The following CNIH3 variants were observed in gnomAD, a reference collection of about 807,000 sequenced individuals.
The protein encoded by CNIH3 is protein cornichon homolog 3.
A neutral mutation model predicts 24.1 loss-of-function variants in CNIH3; 14 were observed. That is an observed-to-expected ratio of 0.58 (90% CI 0.38 to 0.91). CNIH3 has a LOEUF of 0.91. Ranked by LOEUF, CNIH3 falls within the 40% of genes least tolerant of loss-of-function variation. The pLI is 0.00. For missense variants in CNIH3, 178 were observed against 196.8 expected (o/e 0.90, Z 0.57); for synonymous variants, 68 against 73.8 (o/e 0.92, Z 0.40).
rs1687618826 is a variant in CNIH3, at chr1:224,703,544, A to G, written c.198+18701A>G. ...TAGGGAGCATTTTGCAGTGTTAGTT[A>G]TCATGGTTAGGGCGCTGAGTTTCAT... On this transcript the variant is annotated intron_variant, in intron 3 of 5. Coordinates refer to ENST00000272133, the MANE Select transcript of CNIH3 (RefSeq NM_152495.2). The surrounding 1 kb of genome is among the most constrained non-coding windows in gnomAD (Gnocchi z 4.2). Among the ~76,000 whole-genome samples, 1 of 152,152 alleles carries G rather than the reference A, an allele frequency of 6.6e-6. No individual in the cohort carries two copies. Among genetic ancestry groups the G allele is most frequent in the Non-Finnish European group, 1.5e-5 (1 of 68,028 alleles).
At chr1:224,718,419 C>T (rs753245170) in intron 3 of CNIH3, among the ~76,000 whole-genome samples, 2 of 152,058 alleles carry the variant, frequency 1.3e-5, no homozygotes, top group Non-Finnish European at 2.9e-5. Flanking sequence ...GAGTGAGTGG[C>T]GGGTTGTAGG....
chr1:224,492,141 T>C (rs1677257994), intron 1 of CNIH3, among the ~76,000 whole-genome samples: 1 of 152,236 alleles, frequency 6.6e-6, no homozygotes, highest in Non-Finnish European at 1.5e-5. Flanking sequence ...TACTTTATAA[T>C]GGTGTGCCAT....
rs569103144 is a variant in CNIH3, at chr1:224,575,052, A to G, written n.517-8112A>G. The G allele has an allele frequency of 2.5e-5, 22 of 883,968 alleles. No homozygotes were observed. In the South Asian group the frequency reaches 2.6e-4, roughly 11 times the overall value. The allele number at this position is 883,968 out of a possible 1,614,324, so 54.8% of individuals were successfully genotyped here. A position where few individuals can be genotyped will look rare whatever the true frequency, so the allele number is the denominator to read the frequency against. The stretch of plus-strand genomic sequence containing the variant: ...AATCCAGTACTGCCAGTCCAAAGGC[A>G]TCATGGTGACTGCCTACAGCTCCTT... On this transcript the variant is annotated intron_variant and non_coding_transcript_variant, in intron 4 of 5. Transcript: ENST00000471578.
chr1:224,561,280 G>T (rs1236795202), intron 3 of CNIH3, among the ~76,000 whole-genome samples: 1 of 151,712 alleles, frequency 6.6e-6, no homozygotes, highest in Non-Finnish European at 1.5e-5. Flanking sequence ...TTCCTTTATG[G>T]TTTACAGATT....
At chr1:224,496,777 C>T (rs1677457771) in intron 1 of CNIH3, among the ~76,000 whole-genome samples, 1 of 152,180 alleles carries the variant, frequency 6.6e-6, no homozygotes, top group Admixed American at 6.5e-5. Context: ...TTATTGAAAA[C>T]AGGCATATTA....
chr1:224,597,735 T>G (rs1682046115), intron 3 of CNIH3, among the ~76,000 whole-genome samples: 1 of 152,088 alleles, frequency 6.6e-6, no homozygotes. Flanking sequence ...AATAAACTGG[T>G]AAGTATAAAT....
At chr1:224,641,014 A>G (rs983156186) in intron 1 of CNIH3, among the ~76,000 whole-genome samples, 18 of 152,206 alleles carry the variant, frequency 1.2e-4, no homozygotes, top group African/African-American at 3.6e-4. Flanking sequence ...TTTACTTTGC[A>G]TGTGCTATAT....
intron 3 of CNIH3, among the ~76,000 whole-genome samples, chr1:224,729,412 C>CAAAAAAAAAAAAAAAAAAAAAAAAAAAAA (rs1184318000): frequency 2.2e-5 from 1 of 44,594 alleles, no homozygotes; most frequent in Non-Finnish European, 4.4e-5. Context: ...ACTATGTCTC[C>CAAAAAAAAAAAAAAAAAAAAAAAAAAAAA]AAAAAAAAAA....
chr1:224,569,806 A>G (rs993878187), intron 4 of CNIH3, among the ~76,000 whole-genome samples: 1 of 151,404 alleles, frequency 6.6e-6, no homozygotes, highest in Non-Finnish European at 1.5e-5. Context: ...TTTTTTTTAG[A>G]CAGAGTCTGC....
At chr1:224,674,866 CT>C (rs1686060379) in intron 1 of CNIH3, among the ~76,000 whole-genome samples, 1 of 152,042 alleles carries the variant, frequency 6.6e-6, no homozygotes, top group Non-Finnish European at 1.5e-5. Flanking sequence ...ATTGCATTAT[CT>C]TACTGATATA....
chr1:224,525,248 G>A (rs1238021682), intron 2 of CNIH3, among the ~76,000 whole-genome samples: 1 of 152,234 alleles, frequency 6.6e-6, no homozygotes. Flanking sequence ...ACTTCCGTGT[G>A]TTTTGCATAT....
rs1558080161 is a variant in CNIH3 at position 224,460,460 on chromosome 1, T to C, written n.203+25598T>C. Among the ~76,000 whole-genome samples the C allele has an allele frequency of 2.0e-5, 3 of 152,356 alleles. No homozygotes were observed. The South Asian group carries it at 6.2e-4, about 32-fold the overall frequency. ...GATTCGTTTGCATTTTCTTAAGTTTTATATAAATGGAATCATAGAGTACGT... is the reference window on the plus strand; with the variant it reads ...GATTCGTTTGCATTTTCTTAAGTTTCATATAAATGGAATCATAGAGTACGT... On this transcript the variant is annotated intron_variant and non_coding_transcript_variant, in intron 1 of 5. Transcript: ENST00000471578.
intron 4 of CNIH3, chr1:224,574,868 G>C (rs1260226315): frequency 2.0e-5 from 20 of 986,754 alleles, no homozygotes; most frequent in Non-Finnish European, 3.1e-5. Context: ...ACACATGGGC[G>C]GGCATGGAAG....
chr1:224,672,412 A>G (rs1320669052), intron 1 of CNIH3, among the ~76,000 whole-genome samples: 1 of 152,232 alleles, frequency 6.6e-6, no homozygotes, highest in Non-Finnish European at 1.5e-5. Flanking sequence ...CAGCCTTAAC[A>G]AATTACCACC....
chr1:224,607,617 G>C (rs572998976), intron 3 of CNIH3, among the ~76,000 whole-genome samples: 1 of 152,302 alleles, frequency 6.6e-6, no homozygotes, highest in African/African-American at 2.4e-5. Flanking sequence ...TCTCAGGTGA[G>C]TGAAGGGATG....
Position 224,467,769 on chromosome 1 carries a change from G to A in CNIH3, n.203+32907G>A, listed in dbSNP as rs149278767. ...AAGTTGAAGTACTGTTCTCCCAGCC[G>A]TAGGTTTTGAAGATTTCCTCCTGTT... On this transcript the variant is annotated intron_variant and non_coding_transcript_variant, in intron 1 of 5. Coordinates refer to the CNIH3 transcript ENST00000471578. 4.5e-3 allele frequency among the ~76,000 whole-genome samples: 679 copies of A among 151,470 alleles called. 3 individuals carry two copies. The highest frequency in any genetic ancestry group is 7.5e-3 in the Non-Finnish European group (508 of 67,872).
chr1:224,631,107 G>C (rs1683798759), intron 1 of CNIH3, among the ~76,000 whole-genome samples: 1 of 152,058 alleles, frequency 6.6e-6, no homozygotes, highest in African/African-American at 2.4e-5. Flanking sequence ...TGGTTGCGGT[G>C]AGCTGAGATT....
intron 1 of CNIH3, among the ~76,000 whole-genome samples, chr1:224,438,722 C>G (rs1674771797): frequency 6.6e-6 from 1 of 152,112 alleles, no homozygotes; most frequent in Non-Finnish European, 1.5e-5. Context: ...GAGCACAGTT[C>G]TTGGGCCAGA....
chr1:224,675,214 G>C (rs990513821), intron 1 of CNIH3, among the ~76,000 whole-genome samples: 1 of 152,314 alleles, frequency 6.6e-6, no homozygotes, highest in East Asian at 1.9e-4. Context: ...CTGCAGATTT[G>C]ACAACTTCGA....
Sources: allele counts gnomAD v4.1 joint callset (sites outside exome capture counted in the v4.1 genomes callset), GRCh38; gene constraint gnomAD v4.1.1; non-coding constraint Gnocchi (gnomAD v3.1); transcripts MANE v1.5; gene names NCBI Gene and HGNC (gene_info 2026-07-23, HGNC 2026-07-21).